Variants in PLXNA4 observed in about 807,000 individuals in gnomAD.
The protein encoded by PLXNA4 is plexin A4.
In PLXNA4, 44 loss-of-function variants were observed where a neutral mutation model predicts 191.8. The observed-to-expected ratio is 0.23, with a 90% CI of 0.18 to 0.29. PLXNA4 has a LOEUF of 0.29. Among genes scored for constraint, PLXNA4 ranks in the 10% least tolerant of loss-of-function variants. PLXNA4 has a pLI of 1.00. For missense variants in PLXNA4, 1,800 were observed against 2,488.8 expected (o/e 0.72, Z 5.89); for synonymous variants, 1,082 against 1,009.5 (o/e 1.07, Z -1.36).
At chr7:132,159,328 C>A (rs1017563414) in intron 25 of PLXNA4, 145 bp downstream of exon 25, 48 of 1,331,362 alleles carry the variant, frequency 3.6e-5, no homozygotes, top group Non-Finnish European at 4.8e-5. Flanking sequence ...TGGGCTCCTG[C>A]GGGGGTCCAG....
chr7:132,540,084 T>TA (rs1463686482), intron 1 of PLXNA4, among the ~76,000 whole-genome samples: 1 of 152,216 alleles, frequency 6.6e-6, no homozygotes, highest in Non-Finnish European at 1.5e-5. Flanking sequence ...GGGTCAGGGA[T>TA]GCTCCTCTTG....
At chr7:132,499,193 G>C (rs111529325) in intron 2 of PLXNA4, among the ~76,000 whole-genome samples, 56 of 152,316 alleles carry the variant, frequency 3.7e-4, no homozygotes, top group Non-Finnish European at 4.1e-4. Context: ...AGAATCCTAG[G>C]GGTTGAACCC....
At chr7:132,384,139 T>C (rs1805016081) in intron 3 of PLXNA4, 8 of 985,222 alleles carry the variant, frequency 8.1e-6, no homozygotes, top group Admixed American at 6.2e-5. Flanking sequence ...CCTGATTCAT[T>C]CCCTCCCACA....
intron 3 of PLXNA4, among the ~76,000 whole-genome samples, chr7:132,472,725 G>A (rs1054607970): frequency 3.9e-5 from 6 of 152,226 alleles, no homozygotes; most frequent in Non-Finnish European, 7.3e-5. Context: ...GTCACTGCTA[G>A]TCCCATAATG....
intron 12 of PLXNA4, among the ~76,000 whole-genome samples, chr7:132,202,341 T>G (rs1797464978): frequency 6.6e-6 from 1 of 152,136 alleles, no homozygotes; most frequent in South Asian, 2.1e-4. Context: ...ACCGAGGCTC[T>G]TAGAGACAAA....
intron 3 of PLXNA4, among the ~76,000 whole-genome samples, chr7:132,362,476 A>G (rs1167024599): frequency 1.3e-5 from 2 of 152,272 alleles, no homozygotes; most frequent in Admixed American, 6.5e-5. Context: ...AAACTGATGC[A>G]AATGCTAGAA....
rs765191572 is a variant in PLXNA4, at chr7:132,632,342, A to T, written c.-87+13586T>A. Among the ~76,000 whole-genome samples, 29 of 152,300 alleles carry T rather than the reference A, an allele frequency of 1.9e-4. 1 individual carries two copies. Among genetic ancestry groups the T allele is most frequent in the Non-Finnish European group, 2.9e-4 (20 of 68,024 alleles). On this transcript the variant is annotated intron_variant, in intron 2 of 4. Coordinates refer to the PLXNA4 transcript ENST00000378539. Reference sequence around the variant, plus strand: ...GGCAAGAAAATGATATATGTAATGGAAATCTTTAGAAGTAATAATAATAGA... The same window carrying T: ...GGCAAGAAAATGATATATGTAATGGTAATCTTTAGAAGTAATAATAATAGA...
intron 16 of PLXNA4, among the ~76,000 whole-genome samples, chr7:132,182,474 T>A (rs1381748038): frequency 6.6e-6 from 1 of 152,130 alleles, no homozygotes; most frequent in Admixed American, 6.5e-5. Context: ...CCCCCTTGGC[T>A]CTCCAAGGCC....
chr7:132,630,454 G>A (rs1032936459), intron 2 of PLXNA4, among the ~76,000 whole-genome samples: 24 of 152,096 alleles, frequency 1.6e-4, no homozygotes, highest in Admixed American at 4.6e-4. Context: ...CATGTGCCCC[G>A]TTGCTTTTCC....
intron 1 of PLXNA4, among the ~76,000 whole-genome samples, chr7:132,527,344 T>G (rs1021094615): frequency 1.3e-5 from 2 of 151,950 alleles, no homozygotes; most frequent in African/African-American, 2.4e-5. Context: ...CATCCACCTC[T>G]CAGGAGCTAC....
intron 3 of PLXNA4, among the ~76,000 whole-genome samples, chr7:132,488,267 T>A (rs1797641815): frequency 2.6e-5 from 4 of 152,248 alleles, no homozygotes; most frequent in Admixed American, 2.6e-4. Context: ...GCTGGGCTGT[T>A]ACATTGTTGG....
chr7:132,145,915 CAA>C (rs397778925), intron 28 of PLXNA4, among the ~76,000 whole-genome samples: 3 of 92,398 alleles, frequency 3.2e-5, no homozygotes, highest in Non-Finnish European at 6.2e-5. Context: ...ACTAAAAATA[CAA>C]AAAAAAAAAA....
chr7:132,335,086 T>C (rs367821924), intron 3 of PLXNA4, among the ~76,000 whole-genome samples: 2 of 152,358 alleles, frequency 1.3e-5, no homozygotes, highest in East Asian at 3.9e-4. Context: ...TACTCCTTAA[T>C]CTTTTGACTA....
intron 25 of PLXNA4, among the ~76,000 whole-genome samples, chr7:132,151,099 C>T (rs147267244): frequency 1.8e-3 from 273 of 152,224 alleles, no homozygotes; most frequent in Admixed American, 3.6e-3. Context: ...TTAGATCTCT[C>T]AAGCCTATTA....
At chr7:132,398,803 G>A (rs191546688) in intron 3 of PLXNA4, among the ~76,000 whole-genome samples, 3 of 152,296 alleles carry the variant, frequency 2.0e-5, no homozygotes, top group African/African-American at 7.2e-5. Context: ...AGCTCGAGGT[G>A]GACAGGGCTG....
chr7:132,468,242 C>T (rs919428715), intron 3 of PLXNA4, among the ~76,000 whole-genome samples: 1 of 151,452 alleles, frequency 6.6e-6, no homozygotes, highest in East Asian at 2.0e-4. Context: ...CACACACATA[C>T]ACACAAACAC....
At chr7:132,261,169 A>G (rs1323238791) in intron 4 of PLXNA4, among the ~76,000 whole-genome samples, 2 of 152,218 alleles carry the variant, frequency 1.3e-5, no homozygotes, top group Non-Finnish European at 2.9e-5. Flanking sequence ...CCCAGGGGAC[A>G]TGGAAGAAGG....
intron 16 of PLXNA4, among the ~76,000 whole-genome samples, chr7:132,182,552 T>G (rs1796744527): frequency 6.6e-6 from 1 of 152,160 alleles, no homozygotes; most frequent in African/African-American, 2.4e-5. Context: ...CCCCTGGTCC[T>G]CACCAATCTT....
At chr7:132,540,130 T>C (rs531715202) in intron 1 of PLXNA4, among the ~76,000 whole-genome samples, 2 of 152,232 alleles carry the variant, frequency 1.3e-5, no homozygotes, top group South Asian at 2.1e-4. Flanking sequence ...TGAAGAAGCA[T>C]CCTACTTACA....
Sources: allele counts gnomAD v4.1 joint callset (sites outside exome capture counted in the v4.1 genomes callset), GRCh38; gene constraint gnomAD v4.1.1; transcripts MANE v1.5; gene names NCBI Gene and HGNC (gene_info 2026-07-23, HGNC 2026-07-21).